SIDT1: variants seen among roughly 807,000 people sequenced by gnomAD.
SIDT1 encodes the protein SID1 transmembrane family member 1.
In SIDT1, 101 loss-of-function variants were observed where a neutral mutation model predicts 107.5. The ratio of observed to expected loss-of-function variants is 0.94; its 90% CI spans 0.80 to 1.11. The LOEUF (loss-of-function observed/expected upper bound fraction) is 1.11, where lower values mean the gene tolerates loss of function less well. Among genes scored for constraint, SIDT1 ranks in the 50% least tolerant of loss-of-function variants. The pLI, the probability that SIDT1 is intolerant of heterozygous loss-of-function variation, is 0.00. For missense variants in SIDT1, 1,076 were observed against 1,058.2 expected, an observed-to-expected ratio of 1.02 and a Z score of -0.23; for synonymous variants, 395 against 398.2, an observed-to-expected ratio of 0.99 and a Z score of 0.10.
intron 1 of SIDT1, among the ~76,000 whole-genome samples, chr3:113,547,945 C>T (rs1219064535): frequency 6.6e-6 from 1 of 152,016 alleles, no homozygotes; most frequent in Non-Finnish European, 1.5e-5. Flanking sequence ...GAATAAAATA[C>T]TTTATTTCTT....
chr3:113,565,738 A>T (rs1052694316), intron 1 of SIDT1, among the ~76,000 whole-genome samples: 1 of 152,154 alleles, frequency 6.6e-6, no homozygotes, highest in Admixed American at 6.5e-5. Context: ...AGAGAAGATT[A>T]CTCAGCCCTG....
intron 19 of SIDT1, chr3:113,612,518 T>C (rs773850844): frequency 2.6e-4 from 115 of 436,178 alleles, no homozygotes; most frequent in Non-Finnish European, 4.5e-4. Flanking sequence ...GGTATGATCA[T>C]ACCACTAGTT....
intron 6 of SIDT1, 34 bp downstream of exon 6, chr3:113,581,478 T>A (rs762948430): frequency 6.6e-7 from 1 of 1,511,862 alleles, no homozygotes; most frequent in Admixed American, 1.7e-5. Context: ...TTATTGCCAA[T>A]GGTAATGCTC....
At chr3:113,594,646 T>C (rs1270516235) in intron 10 of SIDT1, among the ~76,000 whole-genome samples, 1 of 152,136 alleles carries the variant, frequency 6.6e-6, no homozygotes, top group African/African-American at 2.4e-5. Flanking sequence ...ATTGTCCAGG[T>C]TCAGGGAGGC....
intron 21 of SIDT1, among the ~76,000 whole-genome samples, chr3:113,620,914 G>A (rs1200813060): frequency 2.6e-5 from 4 of 152,078 alleles, no homozygotes; most frequent in Admixed American, 1.3e-4. Context: ...CCACATCCAC[G>A]ATCTGCTCAC....
At chr3:113,559,447 T>A (rs1243790077) in intron 1 of SIDT1, among the ~76,000 whole-genome samples, 3 of 151,788 alleles carry the variant, frequency 2.0e-5, no homozygotes, top group Admixed American at 6.6e-5. Flanking sequence ...TTTTTTTTTT[T>A]TTTATTTTTT....
intron 1 of SIDT1, among the ~76,000 whole-genome samples, chr3:113,555,665 G>A (rs1940772308): frequency 6.6e-6 from 1 of 152,086 alleles, no homozygotes; most frequent in Non-Finnish European, 1.5e-5. Context: ...GATGAGGTCT[G>A]GAAACTGCTT....
At chr3:113,590,564 G>A (rs767133457) in intron 9 of SIDT1, among the ~76,000 whole-genome samples, 2 of 151,954 alleles carry the variant, frequency 1.3e-5, no homozygotes, top group Admixed American at 1.3e-4. Context: ...CCATCACTAC[G>A]ATCTAATTCA....
chr3:113,532,999 C>A lies in SIDT1; in HGVS notation c.-23C>A. 1.5e-6 allele frequency: 2 copies of A among 1,340,314 alleles called. No individual in the cohort carries two copies. Among genetic ancestry groups the A allele is most frequent in the South Asian group, 2.0e-5 (1 of 49,148 alleles). 83.0% of individuals were successfully genotyped at this position (1,340,314 alleles called of 1,614,324 possible). A position where few individuals can be genotyped will look rare whatever the true frequency, so the allele number is the denominator to read the frequency against. On this transcript the variant is annotated 5_prime_UTR_variant, in exon 1 of 25. Transcript: ENST00000264852. ...CCCCTCCCCAGGGTGGCTCCGCTTT[C>A]GAGCCCGGGCGCGGTGCCCACCATG...
rs1325458657 is a variant in SIDT1 at position 113,567,466 on chromosome 3, C to T, written c.345-74C>T. ...TTGGAGAGAAGCAAAATGAGATAGG[C>T]TCCTTTCCCTGCTCATTCACTGAGT... On this transcript the variant is annotated intron_variant, in intron 2 of 24. Transcript: ENST00000264852. The T allele has an allele frequency of 1.0e-5, 13 of 1,249,032 alleles. No individual in the cohort carries two copies. In the East Asian group the frequency reaches 2.7e-4, roughly 26 times the overall value. The allele number at this position is 1,249,032 out of a possible 1,614,324, so 77.4% of individuals were successfully genotyped here. A position where few individuals can be genotyped will look rare whatever the true frequency, so the allele number is the denominator to read the frequency against.
intron 3 of SIDT1, among the ~76,000 whole-genome samples, chr3:113,569,764 A>T (rs923369014): frequency 1.3e-5 from 2 of 152,166 alleles, no homozygotes; most frequent in African/African-American, 4.8e-5. Flanking sequence ...AATAAGATCC[A>T]CCCAGAGCAA....
chr3:113,616,355 A>C (rs1048758272), intron 20 of SIDT1, among the ~76,000 whole-genome samples, 179 bp downstream of exon 20: 3 of 152,188 alleles, frequency 2.0e-5, no homozygotes, highest in Admixed American at 6.5e-5. Flanking sequence ...CATACAAGTC[A>C]AGCTAACATG....
At chr3:113,551,824 G>GGT (rs56860179) in intron 1 of SIDT1, among the ~76,000 whole-genome samples, 7,130 of 147,240 alleles carry the variant, frequency 0.048, 194 homozygotes, top group African/African-American at 0.079. Context: ...AAGTTTTAGG[G>GGT]GTGTGTGTGT....
chr3:113,560,587 G>A (rs887215613), intron 1 of SIDT1, among the ~76,000 whole-genome samples: 2 of 152,114 alleles, frequency 1.3e-5, no homozygotes. Context: ...TACTCAAACA[G>A]TTAAACATTT....
intron 13 of SIDT1, 76 bp from the exon 14 acceptor site, chr3:113,604,834 T>C: frequency 1.3e-6 from 2 of 1,541,158 alleles, no homozygotes; most frequent in Non-Finnish European, 1.8e-6. Flanking sequence ...GGTGGAAGCA[T>C]TCTTTTAAAA....
At chr3:113,570,252 A>ATACACATTTGATGGGAGT (rs1330831465) in intron 3 of SIDT1, among the ~76,000 whole-genome samples, 1 of 152,200 alleles carries the variant, frequency 6.6e-6, no homozygotes, top group African/African-American at 2.4e-5. Flanking sequence ...CCATATGGGA[A>ATACACATTTGATGGGAGT]TACACATTTG....
chr3:113,622,989 A>G (rs773000150), intron 21 of SIDT1, among the ~76,000 whole-genome samples: 1 of 152,048 alleles, frequency 6.6e-6, no homozygotes, highest in African/African-American at 2.4e-5. Context: ...TGAATCCAAC[A>G]TCAGGCTGGG....
chr3:113,578,236 C>A (rs1443781239), intron 4 of SIDT1, among the ~76,000 whole-genome samples: 1 of 152,044 alleles, frequency 6.6e-6, no homozygotes, highest in African/African-American at 2.4e-5. Flanking sequence ...GAGGCTGAGG[C>A]GGGCAGATCA....
chr3:113,589,121 C>T (rs1199209501), intron 9 of SIDT1, among the ~76,000 whole-genome samples: 2 of 152,220 alleles, frequency 1.3e-5, no homozygotes, highest in African/African-American at 4.8e-5. Flanking sequence ...ACTTCCCCCT[C>T]ATTCAATTGG....
Sources: gnomAD v4.1 joint callset for allele counts (sites outside exome capture counted in the v4.1 genomes callset) on GRCh38, gnomAD v4.1.1 for gene constraint, MANE v1.5 for transcripts, NCBI Gene and HGNC (gene_info 2026-07-23, HGNC 2026-07-21) for gene names.